The following RGP1 variants were observed in gnomAD, a reference collection of about 807,000 sequenced individuals.
The protein encoded by RGP1 is RGP1 partner of RAB6A GEF complex, also known as RAB6A-GEF complex partner protein 2.
In RGP1, 28 loss-of-function variants were observed where a neutral mutation model predicts 44.5. The ratio of observed to expected loss-of-function variants is 0.63; its 90% CI spans 0.47 to 0.86. The LOEUF (loss-of-function observed/expected upper bound fraction) is 0.86, where lower values mean the gene tolerates loss of function less well. Among genes scored for constraint, RGP1 ranks in the 40% least tolerant of loss-of-function variants. The pLI, the probability that RGP1 is intolerant of heterozygous loss-of-function variation, is 0.00. For missense variants in RGP1, 417 were observed against 490.7 expected (o/e 0.85, Z 1.42); for synonymous variants, 212 against 196.7 (o/e 1.08, Z -0.65).
At chr9:35,778,341 GTC>G in the RGP1 span, among the ~76,000 whole-genome samples, 2 of 152,072 alleles carry the variant, frequency 1.3e-5, no homozygotes, top group Non-Finnish European at 2.9e-5. Flanking sequence ...TGAAAAAACT[GTC>G]TCTTTCATCT....
chr9:35,766,942 G>T, the RGP1 span, among the ~76,000 whole-genome samples: 1 of 152,182 alleles, frequency 6.6e-6, no homozygotes, highest in Non-Finnish European at 1.5e-5. Flanking sequence ...GGGTGAAATT[G>T]TGTTTTTATT....
the RGP1 span, among the ~76,000 whole-genome samples, chr9:35,773,339 T>C: frequency 2.0e-5 from 3 of 152,140 alleles, no homozygotes; most frequent in African/African-American, 7.2e-5. Context: ...TGCAGTGAGC[T>C]GAGATCGCAC....
downstream of RGP1, among the ~76,000 whole-genome samples, chr9:35,761,380 A>G (rs1318974565): frequency 2.0e-5 from 3 of 152,240 alleles, no homozygotes; most frequent in East Asian, 5.8e-4. Context: ...TAAGAAAAGA[A>G]TATTTTTAGG....
At chr9:35,759,118 A>G (rs1827396103), downstream of RGP1, among the ~76,000 whole-genome samples, 1 of 152,200 alleles carries the variant, frequency 6.6e-6, no homozygotes, top group African/African-American at 2.4e-5. Context: ...TCAAATTCAT[A>G]TCCACTTCAA....
Position 35,753,132 on chromosome 9 carries a change from C to T in RGP1, c.*258C>T, listed in dbSNP as rs1563974359. On this transcript the variant is annotated 3_prime_UTR_variant, in exon 9 of 9. Coordinates refer to ENST00000378078, the MANE Select transcript of RGP1 (RefSeq NM_001080496.3). This position sits in a 1 kb window ranked among gnomAD's most constrained non-coding sequence, Gnocchi z 4.2. ...GAGTGGGGAGCAGGAGCCCCAGGAA[C>T]AGGGGTGTTGGCTGAGCCCCATTCT... 9 of 1,614,194 alleles carry T rather than the reference C, an allele frequency of 5.6e-6. No individual in the cohort carries two copies. Among genetic ancestry groups the T allele is most frequent in the East Asian group, 2.2e-5 (1 of 44,888 alleles).
chr9:35,785,466 A>C, the RGP1 span, among the ~76,000 whole-genome samples: 5 of 150,502 alleles, frequency 3.3e-5, no homozygotes, highest in African/African-American at 9.8e-5. Context: ...TTTCATTTGA[A>C]GGAATGGTTT....
At chr9:35,781,758 G>C in the RGP1 span, among the ~76,000 whole-genome samples, 1 of 151,728 alleles carries the variant, frequency 6.6e-6, no homozygotes, top group Admixed American at 6.6e-5. Context: ...AAATACATCT[G>C]TTCTGTTATT....
At chr9:35,776,412 C>T in the RGP1 span, among the ~76,000 whole-genome samples, 5 of 151,704 alleles carry the variant, frequency 3.3e-5, no homozygotes, top group East Asian at 1.9e-4. Flanking sequence ...CTCAGCCTCC[C>T]GAGTAGCTGG....
At chr9:35,773,085 A>G in the RGP1 span, among the ~76,000 whole-genome samples, 1 of 152,038 alleles carries the variant, frequency 6.6e-6, no homozygotes, top group East Asian at 1.9e-4. Flanking sequence ...TGCAAAAGTA[A>G]TACATAATTA....
chr9:35,777,068 C>T, the RGP1 span, among the ~76,000 whole-genome samples: 1 of 150,744 alleles, frequency 6.6e-6, no homozygotes, highest in Admixed American at 6.6e-5. Flanking sequence ...TATACCCCAA[C>T]CAATCTTAGC....
chr9:35,766,661 G>A, the RGP1 span, among the ~76,000 whole-genome samples: 3 of 151,966 alleles, frequency 2.0e-5, no homozygotes, highest in Non-Finnish European at 2.9e-5. Flanking sequence ...CATTTTGATC[G>A]CATGCTTAAT....
downstream of RGP1, among the ~76,000 whole-genome samples, chr9:35,760,235 A>G (rs1180572148): frequency 2.0e-5 from 3 of 152,062 alleles, no homozygotes; most frequent in East Asian, 5.8e-4. Context: ...ACTGATTTCC[A>G]ATGGATTGGG....
At chr9:35,761,039 A>T (rs933689821), downstream of RGP1, among the ~76,000 whole-genome samples, 2 of 152,258 alleles carry the variant, frequency 1.3e-5, no homozygotes, top group African/African-American at 4.8e-5. Flanking sequence ...CAAGCCACAG[A>T]TCCTGATTTC....
chr9:35,787,147 G>T, the RGP1 span, among the ~76,000 whole-genome samples: 93 of 149,980 alleles, frequency 6.2e-4, no homozygotes, highest in Non-Finnish European at 1.1e-3. Context: ...AAATAAAAAA[G>T]AAAATATTTT....
At chr9:35,778,470 A>G in the RGP1 span, among the ~76,000 whole-genome samples, 9 of 152,324 alleles carry the variant, frequency 5.9e-5, no homozygotes, top group East Asian at 1.7e-3. Flanking sequence ...AAGTCCCTCA[A>G]TTATTAATCA....
chr9:35,778,586 C>T, the RGP1 span, among the ~76,000 whole-genome samples: 1 of 152,130 alleles, frequency 6.6e-6, no homozygotes, highest in African/African-American at 2.4e-5. Flanking sequence ...TATGACATGT[C>T]AAACTGGTGT....
At chr9:35,764,365 C>T in the RGP1 span, among the ~76,000 whole-genome samples, 104,532 of 152,046 alleles carry the variant, frequency 0.69, 36,104 homozygotes, top group East Asian at 0.83. Context: ...CTCATTCTTC[C>T]GGTATGTTTC....
At chr9:35,768,260 C>A in the RGP1 span, among the ~76,000 whole-genome samples, 1 of 152,214 alleles carries the variant, frequency 6.6e-6, no homozygotes, top group African/African-American at 2.4e-5. Flanking sequence ...TGAGGTTTCA[C>A]CATGATGCCC....
At chr9:35,760,148 A>G (rs1241153295), downstream of RGP1, among the ~76,000 whole-genome samples, 2 of 151,962 alleles carry the variant, frequency 1.3e-5, no homozygotes, top group Non-Finnish European at 2.9e-5. Context: ...CACCATTTTA[A>G]AAAAGATTTC....
Sources: allele counts gnomAD v4.1 joint callset (sites outside exome capture counted in the v4.1 genomes callset), GRCh38; gene constraint gnomAD v4.1.1; non-coding constraint Gnocchi (gnomAD v3.1); transcripts MANE v1.5; gene names NCBI Gene and HGNC (gene_info 2026-07-23, HGNC 2026-07-21).